Variants in SYT1 observed in about 807,000 individuals in gnomAD.
SYT1 encodes synaptotagmin 1.
SYT1 carries 8 observed loss-of-function variants against 44.8 expected under a neutral mutation model. The ratio of observed to expected loss-of-function variants is 0.18; its 90% CI spans 0.10 to 0.32. The LOEUF (loss-of-function observed/expected upper bound fraction) is 0.32, where lower values mean the gene tolerates loss of function less well. Ranked by LOEUF, SYT1 falls within the 10% of genes least tolerant of loss-of-function variation. SYT1 has a pLI of 1.00. For missense variants in SYT1, 286 were observed against 509.3 expected, an observed-to-expected ratio of 0.56 and a Z score of 4.22; for synonymous variants, 154 against 188.8, an observed-to-expected ratio of 0.82 and a Z score of 1.51.
At chr12:79,398,440 A>G (rs997748899) in intron 9 of SYT1, among the ~76,000 whole-genome samples, 11 of 152,140 alleles carry the variant, frequency 7.2e-5, no homozygotes, top group Non-Finnish European at 1.5e-5. Context: ...GATAACAAGG[A>G]GTAGGTATTA....
chr12:79,091,112 C>G (rs563551492), intron 3 of SYT1, among the ~76,000 whole-genome samples: 1 of 152,044 alleles, frequency 6.6e-6, no homozygotes, highest in East Asian at 1.9e-4. Context: ...ATAGCCATCT[C>G]AAAATATGCC....
In SYT1 at chr12:78,950,098, G is replaced by T. The variant is rs11112024; in HGVS notation, c.-216-27701G>T. On this transcript the variant is annotated intron_variant, in intron 1 of 10. Coordinates refer to ENST00000261205, the MANE Select transcript of SYT1 (RefSeq NM_005639.3). ...ATTACTATATACTCTAAAAGTAACT[G>T]CAATAATCAGTTTGGTGTAAATCCC... 1.5e-3 allele frequency among the ~76,000 whole-genome samples: 227 copies of T among 151,994 alleles called. 6 individuals carry two copies. In the East Asian group the frequency reaches 0.04, roughly 27 times the overall value.
chr12:79,125,652 G>T (rs1868395008), intron 3 of SYT1, among the ~76,000 whole-genome samples: 2 of 150,616 alleles, frequency 1.3e-5, no homozygotes, highest in East Asian at 1.9e-4. Context: ...AAAAAGAAAA[G>T]AGCTCAGAGT....
chr12:79,161,435 T>A (rs576644207), intron 3 of SYT1, among the ~76,000 whole-genome samples: 1 of 152,218 alleles, frequency 6.6e-6, no homozygotes, highest in South Asian at 2.1e-4. Context: ...CCATCTAGAT[T>A]TGTGTAAGTA....
chr12:79,357,571 G>T (rs1002150994), intron 9 of SYT1, among the ~76,000 whole-genome samples: 1 of 152,102 alleles, frequency 6.6e-6, no homozygotes, highest in Non-Finnish European at 1.5e-5. Flanking sequence ...ACATAGAGAA[G>T]GTACAACAAA....
At chr12:79,035,267 A>G (rs1260546082) in intron 2 of SYT1, among the ~76,000 whole-genome samples, 3 of 151,726 alleles carry the variant, frequency 2.0e-5, no homozygotes, top group Non-Finnish European at 4.4e-5. Flanking sequence ...AGGCGTGTAT[A>G]GAGAATTGCT....
intron 3 of SYT1, among the ~76,000 whole-genome samples, chr12:79,152,326 A>G (rs1314270314): frequency 2.0e-5 from 3 of 152,140 alleles, no homozygotes; most frequent in South Asian, 4.1e-4. Context: ...TTTTTAGGAC[A>G]TAGGAAGTTG....
intron 3 of SYT1, among the ~76,000 whole-genome samples, chr12:79,078,771 A>G (rs903515727): frequency 6.6e-6 from 1 of 152,154 alleles, no homozygotes; most frequent in Non-Finnish European, 1.5e-5. Context: ...TTTTAAGAGA[A>G]GAATACATCA....
chr12:79,340,408 A>G (rs1678296804), intron 8 of SYT1, among the ~76,000 whole-genome samples: 2 of 152,128 alleles, frequency 1.3e-5, no homozygotes, highest in South Asian at 4.1e-4. Flanking sequence ...TTGGATTCCT[A>G]GGTATTTTTT....
chr12:79,190,412 A>G (rs1873042995), intron 3 of SYT1, among the ~76,000 whole-genome samples: 2 of 152,100 alleles, frequency 1.3e-5, no homozygotes, highest in East Asian at 1.9e-4. Flanking sequence ...AGAGCACCAT[A>G]AAATAATTGA....
chr12:79,346,599 T>C (rs1220366830), intron 8 of SYT1, among the ~76,000 whole-genome samples: 1 of 152,224 alleles, frequency 6.6e-6, no homozygotes, highest in Non-Finnish European at 1.5e-5. Flanking sequence ...GAAATTATCT[T>C]ATAAAAGCTA....
chr12:78,901,449 T>C (rs1204958903), intron 1 of SYT1, among the ~76,000 whole-genome samples: 1 of 152,122 alleles, frequency 6.6e-6, no homozygotes. Context: ...CAAAAGGGAT[T>C]GGAGACAGCA....
intron 2 of SYT1, among the ~76,000 whole-genome samples, chr12:78,978,370 T>C (rs935153768): frequency 3.9e-5 from 6 of 151,924 alleles, no homozygotes; most frequent in Admixed American, 2.6e-4. Context: ...GGGTGAGGGG[T>C]TAGAGGGGAG....
chr12:79,147,269 G>A (rs1462378729), intron 3 of SYT1, among the ~76,000 whole-genome samples: 1 of 152,014 alleles, frequency 6.6e-6, no homozygotes, highest in Non-Finnish European at 1.5e-5. Context: ...CCACCTCTTA[G>A]CTAATATAAT....
intron 4 of SYT1, among the ~76,000 whole-genome samples, chr12:79,228,816 C>T (rs1036093648): frequency 6.6e-6 from 1 of 152,208 alleles, no homozygotes; most frequent in African/African-American, 2.4e-5. Flanking sequence ...TGTCTCCCCT[C>T]ATGATTTTCT....
intron 1 of SYT1, among the ~76,000 whole-genome samples, chr12:78,893,642 C>A (rs983018748): frequency 3.3e-5 from 5 of 151,598 alleles, no homozygotes; most frequent in Non-Finnish European, 7.4e-5. Context: ...TTACACTAGG[C>A]CAGTAGATGA....
chr12:79,053,599 A>T (rs1015524225), intron 3 of SYT1, among the ~76,000 whole-genome samples: 1 of 142,596 alleles, frequency 7.0e-6, no homozygotes, highest in Non-Finnish European at 1.6e-5. Context: ...TTATTTTATA[A>T]TATTGACAAT....
intron 1 of SYT1, among the ~76,000 whole-genome samples, chr12:78,882,947 T>A (rs10861075): frequency 0.51 from 77,564 of 151,298 alleles, 20,182 homozygotes; most frequent in Non-Finnish European, 0.56. Flanking sequence ...GTGTGAAAAC[T>A]CATTTTCAGA....
intron 3 of SYT1, among the ~76,000 whole-genome samples, chr12:79,069,109 T>C (rs966682522): frequency 3.9e-5 from 6 of 152,162 alleles, no homozygotes; most frequent in Non-Finnish European, 8.8e-5. Flanking sequence ...ATTATAGTTT[T>C]ATGGGTAAAT....
Sources: gnomAD v4.1 joint callset for allele counts (sites outside exome capture counted in the v4.1 genomes callset) on GRCh38, gnomAD v4.1.1 for gene constraint, MANE v1.5 for transcripts, NCBI Gene and HGNC (gene_info 2026-07-23, HGNC 2026-07-21) for gene names.